PIKFYVE: variants seen among roughly 807,000 people sequenced by gnomAD.
PIKFYVE encodes 1-phosphatidylinositol 3-phosphate 5-kinase.
In PIKFYVE, 122 loss-of-function variants were observed where a neutral mutation model predicts 257.9. The observed-to-expected ratio is 0.47, with a 90% CI of 0.41 to 0.55. PIKFYVE has a LOEUF of 0.55. Among genes scored for constraint, PIKFYVE ranks in the 20% least tolerant of loss-of-function variants. The pLI, the probability that PIKFYVE is intolerant of heterozygous loss-of-function variation, is 0.00. For synonymous variants in PIKFYVE, 892 were observed against 868.9 expected (o/e 1.03, Z -0.47); for missense variants, 2,160 against 2,536.6 (o/e 0.85, Z 3.19).
chr2:208,326,066 T>G lies in PIKFYVE; in HGVS notation c.3255T>G (p.Val1085=). The G allele has an allele frequency of 6.2e-7, 1 of 1,614,142 alleles. No homozygotes were observed. Among genetic ancestry groups the G allele is most frequent in the South Asian group, 1.1e-5 (1 of 91,078 alleles). The stretch of plus-strand genomic sequence containing the variant: ...CCCGAGATTATTTTGCAGAGCAGGT[T>G]TACTGGTCTCCTCTCCTCAATAAAG... The part of the protein sequence containing the change: ...CSTRDYFAEQ[V]YWSPLLNKEF... The change falls in exon 20 of 42, where the codon GTT becomes GTG. Residue 1085 remains valine, a synonymous_variant. Coordinates refer to ENST00000264380, the MANE Select transcript of PIKFYVE (RefSeq NM_015040.4).
intron 1 of PIKFYVE, 134 bp from the exon 2 acceptor site, chr2:208,271,377 G>C: frequency 1.2e-6 from 1 of 843,412 alleles, no homozygotes; most frequent in Non-Finnish European, 2.0e-6. Context: ...TATGAAGCTA[G>C]ATTTATTTAC....
intron 24 of PIKFYVE, 51 bp downstream of exon 24, chr2:208,333,544 A>C (rs1697794991): frequency 6.4e-7 from 1 of 1,574,408 alleles, no homozygotes; most frequent in South Asian, 1.1e-5. Context: ...ATAATCCCTT[A>C]AGAATTTTTT....
intron 17 of PIKFYVE, among the ~76,000 whole-genome samples, chr2:208,322,238 A>G (rs948447539): frequency 6.6e-5 from 10 of 151,828 alleles, no homozygotes; most frequent in Non-Finnish European, 1.3e-4. Context: ...AAAATTAGGC[A>G]GGCATGGTGA....
At chr2:208,336,007 A>G (rs1339841917) in intron 26 of PIKFYVE, 39 bp from the exon 27 acceptor site, 3 of 1,612,506 alleles carry the variant, frequency 1.9e-6, no homozygotes, top group African/African-American at 1.3e-5. Context: ...GTATGTCTGT[A>G]TAGTGTCTGT....
Position 208,358,338 on chromosome 2 carries a change from C to T in PIKFYVE, c.*3033C>T, listed in dbSNP as rs1449270613. On this transcript the variant is annotated 3_prime_UTR_variant, in exon 42 of 42. Coordinates refer to ENST00000264380, the MANE Select transcript of PIKFYVE (RefSeq NM_015040.4). ...ACGGACCAGGCCATTCATTATTCCT[C>T]AAGTGTTAATATACTGACTTATGCA... 2 of 151,834 alleles carry T rather than the reference C, an allele frequency of 1.3e-5. No individual in the cohort carries two copies. Among genetic ancestry groups the T allele is most frequent in the African/African-American group, 4.9e-5 (2 of 41,188 alleles). 9.4% of individuals were successfully genotyped at this position (151,834 alleles called of 1,614,324 possible).
chr2:208,277,285 T>G (rs952686076), intron 4 of PIKFYVE, among the ~76,000 whole-genome samples: 5 of 152,190 alleles, frequency 3.3e-5, no homozygotes, highest in Non-Finnish European at 5.9e-5. Context: ...ACCTTTATTT[T>G]TTTCTATCCT....
In PIKFYVE at chr2:208,266,353, CTGAGCCGT is replaced by C. The variant is rs1256169646; in HGVS notation, c.-68_-61del. On this transcript the variant is annotated 5_prime_UTR_variant, in exon 1 of 42. Transcript: ENST00000264380. Reference sequence around the variant, plus strand: ...GCTCTCGGGGGCCGACTTCCGGGGGCTGAGCCGTTGAAGCGGAGGCTGGGGCGGGGGGC... The same window carrying C: ...GCTCTCGGGGGCCGACTTCCGGGGGCTGAAGCGGAGGCTGGGGCGGGGGGC... The C allele has an allele frequency of 6.6e-6, 1 of 152,468 alleles. No individual in the cohort carries two copies. Among genetic ancestry groups the C allele is most frequent in the Non-Finnish European group, 1.5e-5 (1 of 68,298 alleles). The allele number at this position is 152,468 out of a possible 1,614,324, so 9.4% of individuals were successfully genotyped here.
rs762401425 is a variant in PIKFYVE at position 208,338,492 on chromosome 2, A to G, written c.4612-16A>G. 1 of 1,608,710 alleles carries G rather than the reference A, an allele frequency of 6.2e-7. No homozygotes were observed. On this transcript the variant is annotated splice_polypyrimidine_tract_variant and intron_variant, in intron 28 of 41. Coordinates refer to ENST00000264380, the MANE Select transcript of PIKFYVE (RefSeq NM_015040.4). ...TTCATGTTTTCCATAAGAACAAAGT[A>G]TTTACTTCTCTACAGATAAGTGCGA...
chr2:208,354,438 AGC>A, intron 40 of PIKFYVE, 131 bp from the exon 41 acceptor site: 1 of 916,316 alleles, frequency 1.1e-6, no homozygotes, highest in South Asian at 1.4e-5. Context: ...CCCTGAGAAC[AGC>A]ACTTGGCACA....
At chr2:208,301,192 G>A in intron 9 of PIKFYVE, 98 bp downstream of exon 9, 1 of 1,455,832 alleles carries the variant, frequency 6.9e-7, no homozygotes, top group Non-Finnish European at 9.5e-7. Flanking sequence ...TGTAGAGTTA[G>A]GGTGCTCTTT....
intron 39 of PIKFYVE, among the ~76,000 whole-genome samples, chr2:208,353,372 G>A (rs1448659077): frequency 2.0e-5 from 3 of 152,208 alleles, no homozygotes; most frequent in Non-Finnish European, 2.9e-5. Flanking sequence ...GCATTGGTCT[G>A]TAGAATATAC....
chr2:208,269,657 T>C, intron 1 of PIKFYVE: 1 of 258,754 alleles, frequency 3.9e-6, no homozygotes, highest in Non-Finnish European at 8.0e-6. Context: ...TTGGCACTGG[T>C]GAGGTTCTGG....
At chr2:208,324,355 T>C in intron 18 of PIKFYVE, 73 bp downstream of exon 18, 1 of 1,482,068 alleles carries the variant, frequency 6.7e-7, no homozygotes, top group South Asian at 1.2e-5. Flanking sequence ...GTATGGTAGG[T>C]ATACAAGAAT....
At chr2:208,334,197 G>T (rs887252114) in intron 24 of PIKFYVE, among the ~76,000 whole-genome samples, 1 of 152,172 alleles carries the variant, frequency 6.6e-6, no homozygotes, top group Non-Finnish European at 1.5e-5. Context: ...CTGAGCCTCT[G>T]TTATCTTTCA....
Position 208,325,323 on chromosome 2 carries a change from A to G in PIKFYVE, c.2512A>G (p.Thr838Ala), listed in dbSNP as rs1696797082. Residue 838 changes from threonine (T) to alanine (A), a missense_variant, in exon 20 of 42, where the codon ACA becomes GCA. Coordinates refer to ENST00000264380, the MANE Select transcript of PIKFYVE (RefSeq NM_015040.4). Reference sequence around the variant, plus strand: ...AGGTTGTCCACAGCACCTAGGCTGTACAATCAAGCTAAGAGGAGGCTCTGA... The same window carrying G: ...AGGTTGTCCACAGCACCTAGGCTGTGCAATCAAGCTAAGAGGAGGCTCTGA... ...FEGCPQHLGC[T>A]IKLRGGSDYE... The G allele has an allele frequency of 6.2e-7, 1 of 1,614,048 alleles. No individual in the cohort carries two copies. Among genetic ancestry groups the G allele is most frequent in the South Asian group, 1.1e-5 (1 of 91,092 alleles).
intron 1 of PIKFYVE, among the ~76,000 whole-genome samples, chr2:208,268,011 G>A (rs1462611207): frequency 6.6e-6 from 1 of 152,196 alleles, no homozygotes; most frequent in Non-Finnish European, 1.5e-5. Context: ...TAGAAATGGT[G>A]AAGTATTGGT....
At chr2:208,306,615 G>C (rs980378483) in intron 12 of PIKFYVE, among the ~76,000 whole-genome samples, 2 of 152,126 alleles carry the variant, frequency 1.3e-5, no homozygotes, top group Non-Finnish European at 2.9e-5. Flanking sequence ...ACTTACTTTT[G>C]AAAACCTAAC....
At chr2:208,304,028 G>C (rs1225967600) in intron 10 of PIKFYVE, 143 bp from the exon 11 acceptor site, 1 of 1,040,548 alleles carries the variant, frequency 9.6e-7, no homozygotes, top group Non-Finnish European at 1.4e-6. Context: ...TTTATAACTT[G>C]GTTTTTGTTA....
At chr2:208,307,117 T>G (rs1694420639) in intron 12 of PIKFYVE, among the ~76,000 whole-genome samples, 1 of 152,114 alleles carries the variant, frequency 6.6e-6, no homozygotes, top group African/African-American at 2.4e-5. Flanking sequence ...AAGTTGTAAG[T>G]GGCAACTTTC....
Sources: allele counts gnomAD v4.1 joint callset (sites outside exome capture counted in the v4.1 genomes callset), GRCh38; gene constraint gnomAD v4.1.1; transcripts MANE v1.5; gene names NCBI Gene and HGNC (gene_info 2026-07-23, HGNC 2026-07-21).